Variants in MBOAT2 observed in about 807,000 individuals in gnomAD.
MBOAT2 encodes membrane-bound glycerophospholipid O-acyltransferase 2.
In MBOAT2, 28 loss-of-function variants were observed where a neutral mutation model predicts 63.4. The observed-to-expected ratio is 0.44, with a 90% CI of 0.33 to 0.61. The LOEUF (loss-of-function observed/expected upper bound fraction) is 0.61, where lower values mean the gene tolerates loss of function less well. Among genes scored for constraint, MBOAT2 ranks in the 20% least tolerant of loss-of-function variants. The probability of loss-of-function intolerance (pLI) is 0.03; values close to 1 mark genes in which losing one functional copy is unlikely to be tolerated. For missense variants in MBOAT2, 470 were observed against 605.8 expected (o/e 0.78, Z 2.35); for synonymous variants, 211 against 215.6 (o/e 0.98, Z 0.19).
chr2:8,900,619 G>T (rs1455925299), intron 4 of MBOAT2, among the ~76,000 whole-genome samples: 1 of 152,152 alleles, frequency 6.6e-6, no homozygotes, highest in Non-Finnish European at 1.5e-5. Context: ...CCTTCTGAGT[G>T]GGGGAGATTA....
chr2:8,945,372 C>G (rs1455800890), intron 2 of MBOAT2, among the ~76,000 whole-genome samples: 1 of 152,014 alleles, frequency 6.6e-6, no homozygotes, highest in Non-Finnish European at 1.5e-5. Context: ...GGTAAAGTGA[C>G]CATAATAAAC....
intron 3 of MBOAT2, among the ~76,000 whole-genome samples, chr2:8,915,064 G>A (rs868820131): frequency 2.1e-5 from 3 of 142,684 alleles, no homozygotes; most frequent in Non-Finnish European, 3.0e-5. Flanking sequence ...TCAGCCTCCC[G>A]AGTAGCTGAG....
At chr2:8,869,860 C>T (rs1422247665) in intron 8 of MBOAT2, among the ~76,000 whole-genome samples, 1 of 152,190 alleles carries the variant, frequency 6.6e-6, no homozygotes, top group African/African-American at 2.4e-5. Context: ...ATGTATTCAT[C>T]CTCTCCATCT....
chr2:8,878,949 G>A (rs925204689), intron 6 of MBOAT2, among the ~76,000 whole-genome samples: 5 of 150,764 alleles, frequency 3.3e-5, no homozygotes, highest in African/African-American at 9.7e-5. Flanking sequence ...AGTGGCGGGC[G>A]CCTGTAGTCC....
intron 3 of MBOAT2, among the ~76,000 whole-genome samples, chr2:8,913,420 A>G (rs998366955): frequency 6.6e-6 from 1 of 152,176 alleles, no homozygotes; most frequent in Non-Finnish European, 1.5e-5. Flanking sequence ...AAATCCTCAC[A>G]ATCTATATAC....
intron 3 of MBOAT2, among the ~76,000 whole-genome samples, chr2:8,908,983 G>T (rs1341492666): frequency 2.6e-5 from 4 of 152,024 alleles, no homozygotes; most frequent in African/African-American, 9.7e-5. Context: ...TTGAAATCAG[G>T]ATCACAAGCA....
intron 4 of MBOAT2, among the ~76,000 whole-genome samples, chr2:8,895,750 A>C (rs1242983551): frequency 6.6e-6 from 1 of 152,010 alleles, no homozygotes; most frequent in Non-Finnish European, 1.5e-5. Flanking sequence ...TCCTCCAGAA[A>C]AGTTGTTAGT....
chr2:8,891,967 A>T (rs1664035711), intron 4 of MBOAT2, among the ~76,000 whole-genome samples: 1 of 152,266 alleles, frequency 6.6e-6, no homozygotes, highest in Non-Finnish European at 1.5e-5. Context: ...ATATTAAAAA[A>T]TTCAGCTGAA....
At position 8,857,077 on chromosome 2, in the gene MBOAT2, T is replaced by C. The variant is rs1407135888; in HGVS notation, c.*1602A>G. The C allele has an allele frequency of 6.6e-6, 1 of 152,642 alleles. No homozygotes were observed. Among genetic ancestry groups the C allele is most frequent in the Non-Finnish European group, 1.5e-5 (1 of 68,036 alleles). The allele number at this position is 152,642 out of a possible 1,614,324, so 9.5% of individuals were successfully genotyped here. A position where few individuals can be genotyped will look rare whatever the true frequency, so the allele number is the denominator to read the frequency against. The stretch of plus-strand genomic sequence containing the variant: ...TTTCTTCTTTAAATGAAGTATTATA[T>C]AGCATAAGCCAGATGGTTGCCTTGT... On this transcript the variant is annotated 3_prime_UTR_variant, in exon 13 of 13. Transcript: ENST00000305997.
chr2:8,900,425 T>C (rs982673953), intron 4 of MBOAT2, among the ~76,000 whole-genome samples: 36 of 152,152 alleles, frequency 2.4e-4, no homozygotes, highest in African/African-American at 7.5e-4. Flanking sequence ...CTGTAGGACA[T>C]CTATGTACCT....
chr2:8,901,027 C>T (rs1456426069), intron 4 of MBOAT2, among the ~76,000 whole-genome samples: 1 of 152,018 alleles, frequency 6.6e-6, no homozygotes, highest in Non-Finnish European at 1.5e-5. Flanking sequence ...CAAAACCACC[C>T]ATGGTTTTGG....
At chr2:8,957,802 A>G (rs1053376852) in intron 2 of MBOAT2, among the ~76,000 whole-genome samples, 1 of 152,194 alleles carries the variant, frequency 6.6e-6, no homozygotes, top group African/African-American at 2.4e-5. Context: ...TGCCGCTGAG[A>G]GTTTCTGCTG....
chr2:8,995,851 A>G (rs1672260380), intron 1 of MBOAT2, among the ~76,000 whole-genome samples: 1 of 152,204 alleles, frequency 6.6e-6, no homozygotes, highest in Non-Finnish European at 1.5e-5. Context: ...TCGGCCTCCC[A>G]AAGTGCTGGG....
chr2:9,002,908 T>C (rs1672806386), intron 1 of MBOAT2, among the ~76,000 whole-genome samples: 1 of 152,178 alleles, frequency 6.6e-6, no homozygotes, highest in Non-Finnish European at 1.5e-5. Flanking sequence ...AACTCCGACT[T>C]TTCTTCATAA....
Position 8,855,893 on chromosome 2 carries a change from C to T in MBOAT2, c.*2786G>A, listed in dbSNP as rs1358927623. ...GTGGAAAATATAAAACATAAATATGCATTGAATCTTATTCTATTGATTAAA... is the reference window on the plus strand; with the variant it reads ...GTGGAAAATATAAAACATAAATATGTATTGAATCTTATTCTATTGATTAAA... On this transcript the variant is annotated 3_prime_UTR_variant, in exon 13 of 13. Coordinates refer to ENST00000305997, the MANE Select transcript of MBOAT2 (RefSeq NM_138799.4). 3 of 151,966 alleles carry T rather than the reference C, an allele frequency of 2.0e-5. No individual in the cohort carries two copies. The highest frequency in any genetic ancestry group is 4.4e-5 in the Non-Finnish European group (3 of 68,012). The allele number at this position is 151,966 out of a possible 1,614,324, so 9.4% of individuals were successfully genotyped here. A position where few individuals can be genotyped will look rare whatever the true frequency, so the allele number is the denominator to read the frequency against.
chr2:8,944,666 C>T (rs1020079450), intron 2 of MBOAT2, among the ~76,000 whole-genome samples: 1 of 151,902 alleles, frequency 6.6e-6, no homozygotes, highest in African/African-American at 2.4e-5. Context: ...CACACACACA[C>T]ACACACACAC....
intron 3 of MBOAT2, among the ~76,000 whole-genome samples, chr2:8,913,972 C>T (rs563044443): frequency 1.6e-4 from 24 of 152,232 alleles, no homozygotes; most frequent in African/African-American, 4.6e-4. Context: ...TATATATATA[C>T]GATGGAATAC....
chr2:8,966,771 C>A (rs1219888794), intron 1 of MBOAT2, among the ~76,000 whole-genome samples: 2 of 152,094 alleles, frequency 1.3e-5, no homozygotes, highest in African/African-American at 4.8e-5. Context: ...CATACGTGGT[C>A]AACAAGTGCT....
At chr2:8,908,887 C>T (rs902162036) in intron 3 of MBOAT2, among the ~76,000 whole-genome samples, 171 bp from the exon 4 acceptor site, 2 of 152,182 alleles carry the variant, frequency 1.3e-5, no homozygotes, top group African/African-American at 4.8e-5. Flanking sequence ...CTAGTATCCA[C>T]TTCAGTTTAC....
Sources: gnomAD v4.1 joint callset for allele counts (sites outside exome capture counted in the v4.1 genomes callset) on GRCh38, gnomAD v4.1.1 for gene constraint, MANE v1.5 for transcripts, NCBI Gene and HGNC (gene_info 2026-07-23, HGNC 2026-07-21) for gene names.